The following GLRA3 variants were observed in gnomAD, a reference collection of about 807,000 sequenced individuals.
GLRA3 encodes glycine receptor subunit alpha-3.
GLRA3 carries 44 observed loss-of-function variants against 60.4 expected under a neutral mutation model. The ratio of observed to expected loss-of-function variants is 0.73; its 90% confidence interval spans 0.57 to 0.94. GLRA3 has a LOEUF of 0.94. Ranked by LOEUF, GLRA3 falls within the 40% of genes least tolerant of loss-of-function variation. The probability of loss-of-function intolerance (pLI) is 0.00; values close to 1 mark genes in which losing one functional copy is unlikely to be tolerated. For missense variants in GLRA3, 508 were observed against 564.6 expected (o/e 0.90, Z 1.02); for synonymous variants, 223 against 192.9 (o/e 1.16, Z -1.29).
At chr4:174,794,233 C>G (rs982747996) in intron 1 of GLRA3, among the ~76,000 whole-genome samples, 1 of 151,996 alleles carries the variant, frequency 6.6e-6, no homozygotes, top group Admixed American at 6.6e-5. Context: ...GATATTTGAA[C>G]CAATATGAGA....
intron 3 of GLRA3, among the ~76,000 whole-genome samples, chr4:174,735,243 G>C (rs539524585): frequency 6.6e-6 from 1 of 152,030 alleles, no homozygotes; most frequent in South Asian, 2.1e-4. Context: ...CAAGCCTGTG[G>C]GTAGGAGAAA....
chr4:174,815,410 A>T (rs764812119), intron 1 of GLRA3, among the ~76,000 whole-genome samples: 1 of 152,160 alleles, frequency 6.6e-6, no homozygotes, highest in Non-Finnish European at 1.5e-5. Context: ...TAGCTCCACT[A>T]GGTGATGTCT....
In GLRA3 at chr4:174,643,449, A is replaced by T; in HGVS notation, c.*337T>A. ...AATAGCATTGAATTACAAATCAAGG[A>T]ATTTCAAAGTAGTTTTCATGTCTAC... On this transcript the variant is annotated 3_prime_UTR_variant, in exon 10 of 10. Transcript: ENST00000274093. 1 of 850,470 alleles carries T rather than the reference A, an allele frequency of 1.2e-6. No individual in the cohort carries two copies. Among genetic ancestry groups the T allele is most frequent in the Non-Finnish European group, 1.3e-6 (1 of 757,316 alleles). 52.7% of individuals were successfully genotyped at this position (850,470 alleles called of 1,614,324 possible).
At chr4:174,804,734 G>A (rs932233957) in intron 1 of GLRA3, among the ~76,000 whole-genome samples, 3 of 152,132 alleles carry the variant, frequency 2.0e-5, no homozygotes, top group South Asian at 2.1e-4. Flanking sequence ...CAGAACGCGC[G>A]GTCCTGGAGA....
chr4:174,671,058 C>G (rs1045405754), intron 7 of GLRA3, among the ~76,000 whole-genome samples: 4 of 151,212 alleles, frequency 2.6e-5, no homozygotes, highest in African/African-American at 9.7e-5. Flanking sequence ...CTAGTATGAT[C>G]CATGAACATT....
At chr4:174,789,070 A>T (rs1244585803) in intron 1 of GLRA3, 127 bp from the exon 2 acceptor site, 13 of 547,252 alleles carry the variant, frequency 2.4e-5, no homozygotes, top group Non-Finnish European at 9.5e-6. Context: ...TTTAGATATC[A>T]TACAGTGAAG....
chr4:174,745,161 C>A (rs1482318335), intron 3 of GLRA3, among the ~76,000 whole-genome samples: 1 of 151,888 alleles, frequency 6.6e-6, no homozygotes, highest in Non-Finnish European at 1.5e-5. Context: ...CATAAAGCAA[C>A]CAAACATACA....
chr4:174,775,244 C>CCTA (rs1738554050), intron 2 of GLRA3, among the ~76,000 whole-genome samples: 4 of 151,952 alleles, frequency 2.6e-5, no homozygotes, highest in Non-Finnish European at 5.9e-5. Context: ...ACAATAGTGT[C>CCTA]TTGGTGGATA....
At chr4:174,828,650 G>T (rs991770983) in intron 1 of GLRA3, 91 bp downstream of exon 1, 2 of 783,772 alleles carry the variant, frequency 2.6e-6, no homozygotes, top group Middle Eastern at 2.3e-4. Context: ...ATATAGAATT[G>T]CAAATTTCCC....
chr4:174,714,327 C>T (rs1735826846), intron 5 of GLRA3, among the ~76,000 whole-genome samples: 1 of 152,172 alleles, frequency 6.6e-6, no homozygotes, highest in Admixed American at 6.5e-5. Flanking sequence ...TGCCCTTCTT[C>T]AATTTCAAAA....
intron 5 of GLRA3, among the ~76,000 whole-genome samples, chr4:174,685,072 A>T (rs907505132): frequency 6.6e-5 from 10 of 152,318 alleles, no homozygotes; most frequent in African/African-American, 2.2e-4. Context: ...GAGGCAGCAC[A>T]GAAGGGAAAT....
chr4:174,684,511 A>G (rs938348222), intron 5 of GLRA3, among the ~76,000 whole-genome samples: 3 of 152,224 alleles, frequency 2.0e-5, no homozygotes, highest in African/African-American at 7.2e-5. Context: ...TAAGAACTGC[A>G]GATTTTTATC....
chr4:174,751,530 AAG>A (rs1737484188), intron 3 of GLRA3, among the ~76,000 whole-genome samples: 1 of 152,096 alleles, frequency 6.6e-6, no homozygotes, highest in African/African-American at 2.4e-5. Flanking sequence ...ACAAAAATAA[AAG>A]AGAATATAGT....
intron 5 of GLRA3, among the ~76,000 whole-genome samples, chr4:174,704,457 T>G (rs1372982383): frequency 7.0e-6 from 1 of 143,822 alleles, no homozygotes; most frequent in Non-Finnish European, 1.5e-5. Context: ...TAACAAGTGT[T>G]GGCAAGGGTG....
intron 7 of GLRA3, among the ~76,000 whole-genome samples, chr4:174,659,902 G>A (rs1463995504): frequency 1.3e-5 from 2 of 150,672 alleles, no homozygotes; most frequent in South Asian, 2.1e-4. Context: ...AACCCAGGGG[G>A]CAGAGGTTGC....
intron 5 of GLRA3, among the ~76,000 whole-genome samples, chr4:174,711,818 C>T (rs1735729810): frequency 6.6e-6 from 1 of 152,024 alleles, no homozygotes; most frequent in Non-Finnish European, 1.5e-5. Context: ...TAAAATTATT[C>T]TGGACTTTTT....
intron 2 of GLRA3, among the ~76,000 whole-genome samples, chr4:174,775,721 G>A (rs1024308803): frequency 1.3e-5 from 2 of 152,002 alleles, no homozygotes; most frequent in African/African-American, 4.8e-5. Context: ...ACTTTTACTT[G>A]CAATTCAATT....
At chr4:174,816,618 G>A (rs1020269824) in intron 1 of GLRA3, among the ~76,000 whole-genome samples, 2 of 151,160 alleles carry the variant, frequency 1.3e-5, no homozygotes, top group Non-Finnish European at 2.9e-5. Context: ...TCCAATCAAT[G>A]GACAAGTGGT....
At chr4:174,654,113 T>C (rs1428766966) in intron 9 of GLRA3, among the ~76,000 whole-genome samples, 3 of 152,124 alleles carry the variant, frequency 2.0e-5, no homozygotes, top group Admixed American at 2.0e-4. Context: ...TTAAAGAACA[T>C]CTTAGCTCTA....
Sources: allele counts gnomAD v4.1 joint callset (sites outside exome capture counted in the v4.1 genomes callset), GRCh38; gene constraint gnomAD v4.1.1; transcripts MANE v1.5; gene names NCBI Gene and HGNC (gene_info 2026-07-23, HGNC 2026-07-21).